The following KCND3 variants were observed in gnomAD, a reference collection of about 807,000 sequenced individuals.
The protein encoded by KCND3 is potassium voltage-gated channel subfamily D member 3, also known as A-type voltage-gated potassium channel KCND3.
Under a neutral mutation model 51.1 loss-of-function variants are expected in KCND3, and 9 were observed. That is an observed-to-expected ratio of 0.18 (90% CI 0.11 to 0.31). KCND3 has a LOEUF of 0.31. Among genes scored for constraint, KCND3 ranks in the 10% least tolerant of loss-of-function variants. KCND3 has a pLI of 1.00. For synonymous variants in KCND3, 349 were observed against 368.0 expected (o/e 0.95, Z 0.59); for missense variants, 526 against 903.8 (o/e 0.58, Z 5.36).
At chr1:111,858,302 C>A (rs12403251) in intron 2 of KCND3, among the ~76,000 whole-genome samples, 1 of 152,126 alleles carries the variant, frequency 6.6e-6, no homozygotes, top group Non-Finnish European at 1.5e-5. Flanking sequence ...CTTACTTTGA[C>A]GCTTCAAAGT....
At chr1:111,890,810 G>T (rs1279072599) in intron 2 of KCND3, among the ~76,000 whole-genome samples, 3 of 152,186 alleles carry the variant, frequency 2.0e-5, no homozygotes, top group Non-Finnish European at 4.4e-5. Flanking sequence ...AAAAATCAGA[G>T]TGTGGTTTTA....
At position 111,786,829 on chromosome 1, in the gene KCND3, C is replaced by T; in HGVS notation, c.1269+115G>A. On this transcript the variant is annotated intron_variant, in intron 3 of 7. Transcript: ENST00000302127. ...AAGGGACTGAAGCTACCTTACCTTG[C>T]AAAGCCAGAGGCCATCTGTGCAGTG... 14 of 1,322,666 alleles carry T rather than the reference C, an allele frequency of 1.1e-5. No individual in the cohort carries two copies. The South Asian group carries it at 1.3e-4, about 12-fold the overall frequency. 81.9% of individuals were successfully genotyped at this position (1,322,666 alleles called of 1,614,324 possible).
chr1:111,944,033 G>A (rs189920779), intron 2 of KCND3, among the ~76,000 whole-genome samples: 1 of 152,196 alleles, frequency 6.6e-6, no homozygotes, highest in African/African-American at 2.4e-5. Context: ...TAAAGACAGC[G>A]CCCTCATCCA....
At chr1:111,934,741 C>T (rs1672139581) in intron 2 of KCND3, among the ~76,000 whole-genome samples, 1 of 152,168 alleles carries the variant, frequency 6.6e-6, no homozygotes, top group South Asian at 2.1e-4. Flanking sequence ...GCATGCACAG[C>T]TTCTGGAGTC....
chr1:111,777,110 T>A lies in KCND3; in HGVS notation c.1682A>T (p.Asn561Ile). ...GCTGCGCAGGCGAGTAGCTGGCAGG[T>A]TAGAATTGGGCAGGTGTGTGGTCTT... The part of the protein sequence containing the change: ...SKKTTHLPNS[N>I]LPATRLRSMQ... Residue 561 changes from asparagine (N) to isoleucine (I), a missense_variant, in exon 7 of 8, where the codon AAC (asparagine) becomes ATC (isoleucine). Coordinates refer to ENST00000302127, the MANE Select transcript of KCND3 (RefSeq NM_001378969.1). 6.2e-7 allele frequency: 1 copy of A among 1,613,954 alleles called. No individual in the cohort carries two copies. Among genetic ancestry groups the A allele is most frequent in the Non-Finnish European group, 8.5e-7 (1 of 1,179,944 alleles).
At chr1:111,962,340 C>T (rs778611343) in intron 2 of KCND3, among the ~76,000 whole-genome samples, 16 of 152,126 alleles carry the variant, frequency 1.1e-4, no homozygotes, top group Admixed American at 3.3e-4. Flanking sequence ...CTGACCTGCC[C>T]GGGCAGCACA....
At chr1:111,979,428 T>C (rs1050943127) in intron 2 of KCND3, among the ~76,000 whole-genome samples, 2 of 152,244 alleles carry the variant, frequency 1.3e-5, no homozygotes, top group Admixed American at 6.5e-5. Context: ...TCTGGTACAG[T>C]GCCTGGCATA....
intron 2 of KCND3, among the ~76,000 whole-genome samples, chr1:111,798,496 G>A (rs919465708): frequency 6.6e-6 from 1 of 152,040 alleles, no homozygotes; most frequent in African/African-American, 2.4e-5. Flanking sequence ...AGCAATCTGA[G>A]GACAGGGCTT....
chr1:111,989,447 T>G (rs892612118), intron 1 of KCND3, among the ~76,000 whole-genome samples, 58 bp downstream of exon 1: 10 of 151,950 alleles, frequency 6.6e-5, no homozygotes, highest in Admixed American at 5.9e-4. Flanking sequence ...GCAACAGGCG[T>G]GGGAGCAGCG....
chr1:111,818,374 ACG>A (rs775420388), intron 2 of KCND3, among the ~76,000 whole-genome samples: 3 of 147,746 alleles, frequency 2.0e-5, no homozygotes, highest in Non-Finnish European at 4.6e-5. Flanking sequence ...CTAACATCAC[ACG>A]TCAGAGGCCA....
chr1:111,777,308 G>C (rs757606694), intron 6 of KCND3, 35 bp from the exon 7 acceptor site: 3 of 1,610,606 alleles, frequency 1.9e-6, no homozygotes, highest in Non-Finnish European at 2.5e-6. Flanking sequence ...GTAGGAAAAG[G>C]AGGTAGGGAG....
chr1:111,957,231 T>G (rs1673385273), intron 2 of KCND3, among the ~76,000 whole-genome samples: 1 of 152,020 alleles, frequency 6.6e-6, no homozygotes, highest in African/African-American at 2.4e-5. Context: ...GCTTCCCAAC[T>G]CCCACTAAGG....
chr1:111,886,488 A>T (rs1291340251), intron 2 of KCND3, among the ~76,000 whole-genome samples: 1 of 152,236 alleles, frequency 6.6e-6, no homozygotes, highest in South Asian at 2.1e-4. Flanking sequence ...GTCTTCAAAC[A>T]TTTGAAGGCT....
intron 2 of KCND3, among the ~76,000 whole-genome samples, chr1:111,815,834 G>A (rs1666063706): frequency 6.6e-6 from 1 of 151,952 alleles, no homozygotes; most frequent in African/African-American, 2.4e-5. Context: ...CCTTAGAGAG[G>A]CTAAGATAGA....
At chr1:111,919,839 A>T (rs1414387011) in intron 2 of KCND3, among the ~76,000 whole-genome samples, 2 of 152,222 alleles carry the variant, frequency 1.3e-5, no homozygotes, top group Non-Finnish European at 2.9e-5. Context: ...TTAGGATTCA[A>T]ACCGATTTGA....
chr1:111,858,942 C>T (rs1413651054), intron 2 of KCND3, among the ~76,000 whole-genome samples: 3 of 152,208 alleles, frequency 2.0e-5, no homozygotes, highest in African/African-American at 7.2e-5. Context: ...TAACTTTATT[C>T]AGATCTTTGG....
Position 111,906,070 on chromosome 1 carries a change from T to C in KCND3, c.1106+75551A>G, listed in dbSNP as rs1334398743. On this transcript the variant is annotated intron_variant, in intron 2 of 7. Transcript: ENST00000302127. ...CTCTCTACTTCTAAGCTCTGTGTCC[T>C]GGGGGCTGTGAGCCCCAGAGTAGCC... Among the ~76,000 whole-genome samples the C allele has an allele frequency of 5.9e-5, 9 of 152,320 alleles. No homozygotes were observed. The East Asian group carries it at 1.7e-3, about 29-fold the overall frequency.
intron 2 of KCND3, among the ~76,000 whole-genome samples, chr1:111,878,970 CA>C (rs570606581): frequency 1.1e-3 from 167 of 152,260 alleles, no homozygotes; most frequent in African/African-American, 3.8e-3. Context: ...CTGAATAGGA[CA>C]AAAAACACTG....
chr1:111,813,085 G>T (rs1164233730), intron 2 of KCND3, among the ~76,000 whole-genome samples: 1 of 152,154 alleles, frequency 6.6e-6, no homozygotes, highest in Non-Finnish European at 1.5e-5. Flanking sequence ...ATCTCCCCAG[G>T]TGAGACAAGC....
Sources: gnomAD v4.1 joint callset for allele counts (sites outside exome capture counted in the v4.1 genomes callset) on GRCh38, gnomAD v4.1.1 for gene constraint, MANE v1.5 for transcripts, NCBI Gene and HGNC (gene_info 2026-07-23, HGNC 2026-07-21) for gene names.